NCAM1: variants seen among roughly 807,000 people sequenced by gnomAD.
NCAM1 encodes antigen recognized by monoclonal antibody 5.1H11.
A neutral mutation model predicts 109.8 loss-of-function variants in NCAM1; 14 were observed. The observed-to-expected ratio is 0.13, with a 90% CI of 0.08 to 0.20. The LOEUF (loss-of-function observed/expected upper bound fraction) is 0.20. Ranked by LOEUF, NCAM1 falls within the 10% of genes least tolerant of loss-of-function variation. The probability of loss-of-function intolerance (pLI) is 1.00; values close to 1 mark genes in which losing one functional copy is unlikely to be tolerated. For missense variants in NCAM1, 774 were observed against 1,109.9 expected, an observed-to-expected ratio of 0.70 and a Z score of 4.30; for synonymous variants, 418 against 442.9, an observed-to-expected ratio of 0.94 and a Z score of 0.70.
chr11:113,003,166 A>G (rs1157446508), intron 1 of NCAM1, among the ~76,000 whole-genome samples: 2 of 152,270 alleles, frequency 1.3e-5, no homozygotes, highest in Non-Finnish European at 2.9e-5. Context: ...TGTTAAAGGA[A>G]TAAGTCATTA....
chr11:113,077,556 T>G (rs1938584010), intron 1 of NCAM1, among the ~76,000 whole-genome samples: 1 of 152,186 alleles, frequency 6.6e-6, no homozygotes, highest in African/African-American at 2.4e-5. Context: ...TACTCTATCA[T>G]GAGGTTGGAT....
At position 113,275,464 on chromosome 11, in the gene NCAM1, A is replaced by ACACACACACGCACG; in HGVS notation, c.*87_*100dup. ...CACCAGAGCATTTCCAACACCACAGACACACACACGCACGCACACACACAA... is the reference window on the plus strand; with the variant it reads ...CACCAGAGCATTTCCAACACCACAGACACACACACGCACGCACACACACGCACGCACACACACAA... On this transcript the variant is annotated 3_prime_UTR_variant, in exon 20 of 20. Coordinates refer to ENST00000316851, the MANE Select transcript of NCAM1 (RefSeq NM_181351.5). 1 of 1,528,296 alleles carries ACACACACACGCACG rather than the reference A, an allele frequency of 6.5e-7. No individual in the cohort carries two copies. The highest frequency in any genetic ancestry group is 1.7e-4 in the Middle Eastern group (1 of 5,882). 94.7% of individuals were successfully genotyped at this position (1,528,296 alleles called of 1,614,324 possible). A position where few individuals can be genotyped will look rare whatever the true frequency, so the allele number is the denominator to read the frequency against.
chr11:113,202,283 G>T (rs886188693), intron 1 of NCAM1, 96 bp from the exon 2 acceptor site: 2 of 1,213,992 alleles, frequency 1.6e-6, no homozygotes, highest in Admixed American at 2.4e-5. Context: ...TGGAAGATCT[G>T]GGTTTCATTC....
intron 17 of NCAM1, among the ~76,000 whole-genome samples, chr11:113,266,981 G>T (rs2137729989): frequency 6.6e-6 from 1 of 152,270 alleles, no homozygotes; most frequent in Non-Finnish European, 1.5e-5. Context: ...CTGCCAAGGG[G>T]TCTTCTGGCC....
At chr11:113,043,757 G>A (rs1953160988) in intron 1 of NCAM1, among the ~76,000 whole-genome samples, 1 of 152,126 alleles carries the variant, frequency 6.6e-6, no homozygotes, top group African/African-American at 2.4e-5. Context: ...CCGTGAGCAT[G>A]TCCAGCTTTC....
intron 1 of NCAM1, among the ~76,000 whole-genome samples, chr11:113,158,973 T>A (rs889696952): frequency 6.6e-6 from 1 of 152,258 alleles, no homozygotes; most frequent in African/African-American, 2.4e-5. Flanking sequence ...CACCACACTA[T>A]TTCTAACAAT....
intron 17 of NCAM1, among the ~76,000 whole-genome samples, chr11:113,265,646 C>T (rs782301287): frequency 7.2e-5 from 11 of 152,168 alleles, no homozygotes; most frequent in Non-Finnish European, 1.5e-4. Context: ...TCAGACGCAT[C>T]CTGCAAGCCC....
chr11:112,973,813 AT>A (rs1950941212), intron 1 of NCAM1, among the ~76,000 whole-genome samples: 1 of 152,048 alleles, frequency 6.6e-6, no homozygotes, highest in African/African-American at 2.4e-5. Context: ...TTTTCCATTT[AT>A]TTTTCATGTT....
At position 113,149,790 on chromosome 11, in the gene NCAM1, T is replaced by C. The variant is rs370539286; in HGVS notation, c.53-52589T>C. On this transcript the variant is annotated intron_variant, in intron 1 of 19. Coordinates refer to ENST00000316851, the MANE Select transcript of NCAM1 (RefSeq NM_181351.5). The stretch of plus-strand genomic sequence containing the variant: ...AGCCAGAGAACAAACTGAATTACTA[T>C]TTATAATGCAGTTTCTATGGAAAAT... Among the ~76,000 whole-genome samples the C allele has an allele frequency of 2.6e-5, 4 of 152,348 alleles. No homozygotes were observed. In the South Asian group the frequency reaches 6.2e-4, roughly 24 times the overall value.
rs781794448 is a variant in NCAM1, at chr11:113,232,804, T to C, written c.1512T>C (p.Leu504=). The change falls in exon 12 of 20, where the codon CTT becomes CTC. Residue 504 remains leucine, a synonymous_variant. Coordinates refer to ENST00000316851, the MANE Select transcript of NCAM1 (RefSeq NM_181351.5). ...RIGQESLEFI[L]VQADTPSSPS... is the part of the protein sequence containing the mutation. ...GGCAGGAGTCCTTGGAATTCATCCT[T>C]GTTCAAGCAGGTGAGTGTCCCTTAC... 6 of 1,613,588 alleles carry C rather than the reference T, an allele frequency of 3.7e-6. No individual in the cohort carries two copies. In the Admixed American group the frequency reaches 1.0e-4, roughly 27 times the overall value.
rs1555112823 is a variant in NCAM1 at position 113,206,129 on chromosome 11, A to G, written c.577A>G (p.Ile193Val). The change falls in exon 5 of 20, where the codon ATC becomes GTC. Residue 193 changes from isoleucine (I) to valine (V), a missense_variant. Transcript: ENST00000316851. ...DEGTYRCEGRILARGEINFKD... is the reference protein window; with the variant it reads ...DEGTYRCEGRVLARGEINFKD... Reference sequence around the variant, plus strand: ...GGGCACTTATCGCTGTGAGGGCAGAATCCTGGCACGGGGGGAGATCAACTT... The same window carrying G: ...GGGCACTTATCGCTGTGAGGGCAGAGTCCTGGCACGGGGGGAGATCAACTT... 1 of 1,613,918 alleles carries G rather than the reference A, an allele frequency of 6.2e-7. No individual in the cohort carries two copies. Among genetic ancestry groups the G allele is most frequent in the Middle Eastern group, 1.6e-4 (1 of 6,062 alleles).
intron 1 of NCAM1, among the ~76,000 whole-genome samples, chr11:113,092,399 C>T (rs1939389281): frequency 6.6e-6 from 1 of 152,116 alleles, no homozygotes; most frequent in South Asian, 2.1e-4. Flanking sequence ...GTTGCCAGTG[C>T]TTTGCCGGTA....
intron 13 of NCAM1, 148 bp from the exon 14 acceptor site, chr11:113,234,885 C>A: frequency 9.1e-7 from 1 of 1,103,758 alleles, no homozygotes; most frequent in Non-Finnish European, 1.3e-6. Flanking sequence ...TCCCGACTTT[C>A]AATTCTATGC....
At chr11:113,244,661 G>A (rs1219349597) in intron 14 of NCAM1, among the ~76,000 whole-genome samples, 4 of 71,126 alleles carry the variant, frequency 5.6e-5, no homozygotes, top group Non-Finnish European at 1.3e-4. Context: ...GTGCGTGTGT[G>A]TGTGTGTGTG....
chr11:113,237,390 C>T (rs1269382380), intron 14 of NCAM1, among the ~76,000 whole-genome samples: 6 of 152,200 alleles, frequency 3.9e-5, no homozygotes, highest in African/African-American at 1.2e-4. Context: ...GCAGCAACAG[C>T]AAAAACTAAG....
At chr11:112,975,867 A>G (rs1950992919) in intron 1 of NCAM1, among the ~76,000 whole-genome samples, 1 of 152,004 alleles carries the variant, frequency 6.6e-6, no homozygotes, top group African/African-American at 2.4e-5. Flanking sequence ...TTTATAGCCA[A>G]GTTAGACATA....
At chr11:113,053,279 G>A (rs1290706306) in intron 1 of NCAM1, among the ~76,000 whole-genome samples, 4 of 152,068 alleles carry the variant, frequency 2.6e-5, no homozygotes, top group African/African-American at 9.7e-5. Context: ...TGGTGTATAT[G>A]TACCACATTT....
intron 1 of NCAM1, among the ~76,000 whole-genome samples, chr11:113,122,548 C>T (rs140386774): frequency 0.013 from 2,020 of 152,260 alleles, 31 homozygotes; most frequent in African/African-American, 0.045. Context: ...CTTTGGGAGG[C>T]CGAGGCAGGC....
chr11:113,051,879 A>G (rs1405679867), intron 1 of NCAM1, among the ~76,000 whole-genome samples: 1 of 152,226 alleles, frequency 6.6e-6, no homozygotes, highest in East Asian at 1.9e-4. Flanking sequence ...TAAATGGAAT[A>G]GCTGGGCCTA....
Sources: allele counts gnomAD v4.1 joint callset (sites outside exome capture counted in the v4.1 genomes callset), GRCh38; gene constraint gnomAD v4.1.1; transcripts MANE v1.5; gene names NCBI Gene and HGNC (gene_info 2026-07-23, HGNC 2026-07-21).